The following FARP1 variants were observed in gnomAD, a reference collection of about 807,000 sequenced individuals.
FARP1 encodes FERM, ARH/RhoGEF and pleckstrin domain protein 1, also known as FERM, ARHGEF and pleckstrin domain-containing protein 1.
In FARP1, 52 loss-of-function variants were observed where a neutral mutation model predicts 128.8. The observed-to-expected ratio is 0.40, with a 90% confidence interval of 0.32 to 0.51. FARP1 has a LOEUF of 0.51. FARP1 is among the 20% of genes least tolerant of loss of function. FARP1 has a pLI of 0.45. For synonymous variants in FARP1, 580 were observed against 551.8 expected, an observed-to-expected ratio of 1.05 and a Z score of -0.72; for missense variants, 1,333 against 1,367.9, an observed-to-expected ratio of 0.97 and a Z score of 0.40.
chr13:98,158,224 AC>A (rs1480687466), intron 1 of FARP1, among the ~76,000 whole-genome samples: 1 of 152,194 alleles, frequency 6.6e-6, no homozygotes, highest in African/African-American at 2.4e-5. Flanking sequence ...AGAAGAGAAA[AC>A]TATTTTTTTC....
At chr13:98,425,062 A>G (rs553061022) in intron 17 of FARP1, among the ~76,000 whole-genome samples, 19 of 151,950 alleles carry the variant, frequency 1.3e-4, no homozygotes, top group Non-Finnish European at 2.4e-4. Flanking sequence ...CCCTTCTCCA[A>G]CCTTTCTAGA....
intron 1 of FARP1, among the ~76,000 whole-genome samples, chr13:98,151,144 G>A (rs1875969646): frequency 6.6e-6 from 1 of 152,036 alleles, no homozygotes; most frequent in East Asian, 1.9e-4. Flanking sequence ...GGTGAGTACA[G>A]TGCATTAAGA....
At chr13:98,265,135 A>G (rs141843456) in intron 2 of FARP1, among the ~76,000 whole-genome samples, 196 of 152,228 alleles carry the variant, frequency 1.3e-3, no homozygotes, top group African/African-American at 4.4e-3. Flanking sequence ...GCACTTAGGA[A>G]ATTATACAGT....
At chr13:98,235,762 G>T (rs1281645359) in intron 2 of FARP1, among the ~76,000 whole-genome samples, 3 of 151,138 alleles carry the variant, frequency 2.0e-5, no homozygotes, top group African/African-American at 7.3e-5. Flanking sequence ...AACCATCTAG[G>T]CTCATTTTAT....
intron 1 of FARP1, among the ~76,000 whole-genome samples, chr13:98,157,674 G>C (rs987197270): frequency 6.6e-6 from 1 of 152,310 alleles, no homozygotes; most frequent in Admixed American, 6.5e-5. Context: ...TGGAGGTTCA[G>C]AGAGGTTAAG....
At chr13:98,267,325 T>C (rs1418541212) in intron 2 of FARP1, among the ~76,000 whole-genome samples, 16 of 152,306 alleles carry the variant, frequency 1.1e-4, no homozygotes, top group Admixed American at 4.6e-4. Context: ...TCTGTCTGGT[T>C]ATTGGCTGGA....
At chr13:98,439,561 C>T (rs557917751) in intron 21 of FARP1, among the ~76,000 whole-genome samples, 203 of 152,302 alleles carry the variant, frequency 1.3e-3, no homozygotes, top group Non-Finnish European at 1.5e-3. Context: ...GTCCTCGCCA[C>T]ACACAAGGAT....
intron 1 of FARP1, among the ~76,000 whole-genome samples, chr13:98,180,862 G>C (rs1406535815): frequency 6.6e-6 from 1 of 152,098 alleles, no homozygotes; most frequent in African/African-American, 2.4e-5. Context: ...CTGTTCCTTA[G>C]TATTTCTCCA....
intron 1 of FARP1, among the ~76,000 whole-genome samples, chr13:98,162,046 C>T (rs1876924940): frequency 6.6e-6 from 1 of 152,176 alleles, no homozygotes; most frequent in Non-Finnish European, 1.5e-5. Context: ...TCCCAAAGTG[C>T]TGGGATTACA....
rs1891460453 is a variant in FARP1 at position 98,418,242 on chromosome 13, T to G, written c.1826+6208T>G. Among the ~76,000 whole-genome samples, 3 of 150,990 alleles carry G rather than the reference T, an allele frequency of 2.0e-5. No individual in the cohort carries two copies. The Admixed American group carries it at 2.0e-4, about 10-fold the overall frequency. On this transcript the variant is annotated intron_variant, in intron 16 of 26. Transcript: ENST00000319562. The stretch of plus-strand genomic sequence containing the variant: ...GTTTCCTTTTTAAGCATGAGTAAAA[T>G]TACATGTTTATTTGTTTGTTTTGTT...
chr13:98,371,357 T>A (rs899883763), intron 5 of FARP1, among the ~76,000 whole-genome samples: 3 of 151,964 alleles, frequency 2.0e-5, no homozygotes, highest in Admixed American at 1.3e-4. Context: ...CTGGTTACCA[T>A]CGAGCCGCAT....
intron 12 of FARP1, among the ~76,000 whole-genome samples, chr13:98,394,080 C>T (rs1890415927): frequency 6.6e-6 from 1 of 152,176 alleles, no homozygotes; most frequent in African/African-American, 2.4e-5. Flanking sequence ...GCTTTGTAAC[C>T]AATGGGTGTA....
intron 2 of FARP1, among the ~76,000 whole-genome samples, chr13:98,288,829 T>C (rs538426734): frequency 6.6e-6 from 1 of 152,356 alleles, no homozygotes; most frequent in Non-Finnish European, 1.5e-5. Flanking sequence ...ATGTGGTGTT[T>C]AAATGTTTTG....
chr13:98,350,621 G>C (rs1888377623), intron 3 of FARP1, among the ~76,000 whole-genome samples: 1 of 152,142 alleles, frequency 6.6e-6, no homozygotes, highest in African/African-American at 2.4e-5. Flanking sequence ...TTACCGCCCT[G>C]ATCCTTCCCT....
chr13:98,378,854 A>G (rs1889702234), intron 6 of FARP1, among the ~76,000 whole-genome samples: 1 of 143,564 alleles, frequency 7.0e-6, no homozygotes. Flanking sequence ...AAAAAACAAA[A>G]AAATAGGTAT....
At chr13:98,444,674 G>C (rs1828234137) in intron 24 of FARP1, among the ~76,000 whole-genome samples, 1 of 152,218 alleles carries the variant, frequency 6.6e-6, no homozygotes, top group Admixed American at 6.5e-5. Context: ...GAGGCTATTG[G>C]AATGGCCAGG....
Position 98,314,113 on chromosome 13 carries a change from G to C in FARP1, c.172-29649G>C, listed in dbSNP as rs375428965. Among the ~76,000 whole-genome samples, 16 of 152,180 alleles carry C rather than the reference G, an allele frequency of 1.1e-4. No homozygotes were observed. In the South Asian group the frequency reaches 2.3e-3, roughly 22 times the overall value. ...GATGGGTACAGGTGCAGGCAGGGAG[G>C]CTTGGGGTTGAACACTAGATCTTAC... is the stretch of plus-strand genomic sequence containing the variant. On this transcript the variant is annotated intron_variant, in intron 2 of 26. Transcript: ENST00000319562.
At chr13:98,320,542 G>GATACTA (rs1441292592) in intron 2 of FARP1, among the ~76,000 whole-genome samples, 1 of 152,172 alleles carries the variant, frequency 6.6e-6, no homozygotes, top group East Asian at 1.9e-4. Flanking sequence ...ACCTCATGGA[G>GATACTA]ATACTAAGGT....
rs147586119 is a variant in FARP1, at chr13:98,266,554, A to G, written c.171+53141A>G. Among the ~76,000 whole-genome samples, 24 of 152,342 alleles carry G rather than the reference A, an allele frequency of 1.6e-4. No homozygotes were observed. In the East Asian group the frequency reaches 3.1e-3, roughly 20 times the overall value. On this transcript the variant is annotated intron_variant, in intron 2 of 26. Transcript: ENST00000319562. Reference sequence around the variant, plus strand: ...AGCTTACTTACTTGCTCTGCCAAGAAGCAAGAGTTCTGGGTTGGTCTGAAC... The same window carrying G: ...AGCTTACTTACTTGCTCTGCCAAGAGGCAAGAGTTCTGGGTTGGTCTGAAC...
Sources: allele counts gnomAD v4.1 joint callset (sites outside exome capture counted in the v4.1 genomes callset), GRCh38; gene constraint gnomAD v4.1.1; transcripts MANE v1.5; gene names NCBI Gene and HGNC (gene_info 2026-07-23, HGNC 2026-07-21).